The following SHISA9 variants were observed in gnomAD, a reference collection of about 807,000 sequenced individuals.
The protein encoded by SHISA9 is protein shisa-9.
SHISA9 carries 13 observed loss-of-function variants against 38.0 expected under a neutral mutation model. That is an observed-to-expected ratio of 0.34 (90% CI 0.22 to 0.54). The LOEUF is 0.54. SHISA9 is among the 20% of genes least tolerant of loss of function. SHISA9 has a pLI of 0.91. For synonymous variants in SHISA9, 275 were observed against 242.0 expected, an observed-to-expected ratio of 1.14 and a Z score of -1.27; for missense variants, 538 against 575.8, an observed-to-expected ratio of 0.93 and a Z score of 0.67.
chr16:13,541,598 A>G, the SHISA9 span, among the ~76,000 whole-genome samples: 2 of 152,232 alleles, frequency 1.3e-5, no homozygotes, highest in African/African-American at 4.8e-5. Context: ...CTAAGAAAAG[A>G]GCACACAGTT....
At chr16:12,995,471 T>G (rs1426198827) in intron 2 of SHISA9, among the ~76,000 whole-genome samples, 1 of 152,154 alleles carries the variant, frequency 6.6e-6, no homozygotes, top group Non-Finnish European at 1.5e-5. Flanking sequence ...TTTAAGATTC[T>G]TCTTGGTGAT....
chr16:13,419,511 C>A, the SHISA9 span, among the ~76,000 whole-genome samples: 1 of 152,120 alleles, frequency 6.6e-6, no homozygotes, highest in Admixed American at 6.5e-5. Context: ...TAAACCTTAG[C>A]CTTTGTTAGC....
chr16:13,038,909 C>T (rs2073103456), intron 2 of SHISA9, among the ~76,000 whole-genome samples: 1 of 152,054 alleles, frequency 6.6e-6, no homozygotes, highest in Admixed American at 6.6e-5. Context: ...CTAAAGAATT[C>T]CCAATATTAT....
intron 2 of SHISA9, among the ~76,000 whole-genome samples, chr16:12,957,084 C>G (rs1471652527): frequency 6.6e-6 from 1 of 152,082 alleles, no homozygotes; most frequent in African/African-American, 2.4e-5. Flanking sequence ...TCTTCTCCCT[C>G]CTTCCCTCCT....
At chr16:13,111,601 C>A (rs72784467) in intron 2 of SHISA9, among the ~76,000 whole-genome samples, 1 of 152,288 alleles carries the variant, frequency 6.6e-6, no homozygotes, top group Non-Finnish European at 1.5e-5. Context: ...TAAACATTAA[C>A]TATCATTACT....
intron 2 of SHISA9, among the ~76,000 whole-genome samples, chr16:13,179,017 C>G (rs778530775): frequency 6.6e-6 from 1 of 152,164 alleles, no homozygotes; most frequent in African/African-American, 2.4e-5. Flanking sequence ...CCACTTAACT[C>G]TATAACAACA....
At chr16:13,293,991 C>T in the SHISA9 span, among the ~76,000 whole-genome samples, 147 of 152,266 alleles carry the variant, frequency 9.7e-4, 1 homozygote, top group African/African-American at 3.3e-3. Flanking sequence ...CTGGCTTATC[C>T]AACACTCCAA....
chr16:13,516,073 A>C, the SHISA9 span, among the ~76,000 whole-genome samples: 1 of 152,190 alleles, frequency 6.6e-6, no homozygotes, highest in South Asian at 2.1e-4. Flanking sequence ...GCTGCTCAAA[A>C]ACCTTTCAAA....
intron 2 of SHISA9, among the ~76,000 whole-genome samples, chr16:12,961,859 C>G (rs776550076): frequency 1.1e-4 from 16 of 152,202 alleles, no homozygotes; most frequent in Non-Finnish European, 2.2e-4. Context: ...CAGGTGTGAT[C>G]ACACACACCT....
intron 2 of SHISA9, among the ~76,000 whole-genome samples, chr16:13,106,965 G>A (rs962235601): frequency 2.6e-5 from 2 of 75,984 alleles, no homozygotes; most frequent in Admixed American, 1.8e-4. Flanking sequence ...TCTTTCTCAC[G>A]TTCTCTCTCT....
the SHISA9 span, among the ~76,000 whole-genome samples, chr16:13,380,778 C>A: frequency 1.7e-4 from 26 of 152,146 alleles, no homozygotes; most frequent in African/African-American, 6.3e-4. Context: ...CCCATCAACC[C>A]TTCACTTTCA....
chr16:13,261,295 G>A, the SHISA9 span, among the ~76,000 whole-genome samples: 1 of 152,184 alleles, frequency 6.6e-6, no homozygotes, highest in Non-Finnish European at 1.5e-5. Context: ...GTCAAGATCT[G>A]TAGGTTTATA....
At chr16:13,466,221 C>T in the SHISA9 span, among the ~76,000 whole-genome samples, 11 of 152,166 alleles carry the variant, frequency 7.2e-5, no homozygotes, top group Non-Finnish European at 1.0e-4. Context: ...GACTGCCACG[C>T]GGCCACTTGG....
Position 13,072,947 on chromosome 16 carries a change from C to T in SHISA9, c.692-130447C>T, listed in dbSNP as rs192199441. Among the ~76,000 whole-genome samples, 26 of 152,258 alleles carry T rather than the reference C, an allele frequency of 1.7e-4. No homozygotes were observed. In the East Asian group the frequency reaches 3.7e-3, roughly 22 times the overall value. ...AATTGCTGGGATTACAGGTGTGAGC[C>T]GCCATCCCTGGCCTTATTTTATGTT... On this transcript the variant is annotated intron_variant, in intron 2 of 4. Transcript: ENST00000558583.
At chr16:13,174,780 G>A (rs756925506) in intron 2 of SHISA9, among the ~76,000 whole-genome samples, 9 of 152,168 alleles carry the variant, frequency 5.9e-5, no homozygotes, top group Non-Finnish European at 8.8e-5. Context: ...CTGTGGGAGT[G>A]TGAGAGGTCC....
At chr16:13,345,137 C>T in the SHISA9 span, among the ~76,000 whole-genome samples, 1 of 152,212 alleles carries the variant, frequency 6.6e-6, no homozygotes, top group Non-Finnish European at 1.5e-5. Flanking sequence ...CTTCAGGATA[C>T]AAGTGCAGGT....
At chr16:13,211,528 C>T (rs559824978) in intron 3 of SHISA9, among the ~76,000 whole-genome samples, 32 of 152,298 alleles carry the variant, frequency 2.1e-4, no homozygotes, top group Non-Finnish European at 3.5e-4. Context: ...AAAGTTCCCT[C>T]ATATCTCCTT....
chr16:13,203,167 A>G (rs540569257), intron 2 of SHISA9: 5 of 386,874 alleles, frequency 1.3e-5, no homozygotes, highest in African/African-American at 8.2e-5. Context: ...TGTTTTGAGC[A>G]CATCTTTTGA....
the SHISA9 span, among the ~76,000 whole-genome samples, chr16:13,476,681 G>GC: frequency 1.4e-5 from 2 of 147,310 alleles, no homozygotes; most frequent in Non-Finnish European, 3.0e-5. Flanking sequence ...ATCCCACTTA[G>GC]CCCCTCTTGT....
Sources: gnomAD v4.1 joint callset for allele counts (sites outside exome capture counted in the v4.1 genomes callset) on GRCh38, gnomAD v4.1.1 for gene constraint, MANE v1.5 for transcripts, NCBI Gene and HGNC (gene_info 2026-07-23, HGNC 2026-07-21) for gene names.